Variants in SLCO4A1 observed in about 807,000 individuals in gnomAD.
SLCO4A1 encodes solute carrier organic anion transporter family member 4A1, also known as colon organic anion transporter.
Under a neutral mutation model 64.6 loss-of-function variants are expected in SLCO4A1, and 51 were observed. The ratio of observed to expected loss-of-function variants is 0.79; its 90% CI spans 0.63 to 1.00. SLCO4A1 has a LOEUF of 1.00. SLCO4A1 is among the 50% of genes least tolerant of loss of function. SLCO4A1 has a pLI of 0.00. For synonymous variants in SLCO4A1, 471 were observed against 444.9 expected (o/e 1.06, Z -0.74); for missense variants, 919 against 980.5 (o/e 0.94, Z 0.84).
In SLCO4A1 at chr20:62,658,553, A is replaced by T. The variant is rs916596648; in HGVS notation, c.797-124A>T. On this transcript the variant is annotated intron_variant, in intron 2 of 11. Coordinates refer to ENST00000217159, the MANE Select transcript of SLCO4A1 (RefSeq NM_016354.4). Reference sequence around the variant, plus strand: ...CTCATCTAACTTAAAGAGGCCCATGAGGGGAGTGGGCCGGAGATGCAGAAT... The same window carrying T: ...CTCATCTAACTTAAAGAGGCCCATGTGGGGAGTGGGCCGGAGATGCAGAAT... 27 of 703,894 alleles carry T rather than the reference A, an allele frequency of 3.8e-5. No homozygotes were observed. In the African/African-American group the frequency reaches 4.6e-4, roughly 12 times the overall value. 43.6% of individuals were successfully genotyped at this position (703,894 alleles called of 1,614,324 possible).
chr20:62,673,126 G>A (rs1014705449), downstream of SLCO4A1, among the ~76,000 whole-genome samples: 2 of 142,838 alleles, frequency 1.4e-5, 1 homozygote, highest in Non-Finnish European at 3.2e-5. Context: ...ACGCTTGTGT[G>A]GAGCTCACTG....
downstream of SLCO4A1, among the ~76,000 whole-genome samples, chr20:62,689,378 T>G (rs34755948): frequency 2.6e-5 from 4 of 151,350 alleles, no homozygotes; most frequent in Non-Finnish European, 5.9e-5. Flanking sequence ...CATCAGTCCT[T>G]CCTCCATCAC....
chr20:62,653,874 A>G (rs1397457270), intron 1 of SLCO4A1, among the ~76,000 whole-genome samples: 1 of 129,382 alleles, frequency 7.7e-6, no homozygotes, highest in Non-Finnish European at 1.6e-5. Context: ...GGAACATCAC[A>G]CCCCGGGGCC....
At chr20:62,648,599 A>C (rs1315669027) in intron 1 of SLCO4A1, among the ~76,000 whole-genome samples, 1 of 152,096 alleles carries the variant, frequency 6.6e-6, no homozygotes. Flanking sequence ...AGAGGACCCT[A>C]CTCCATGGAG....
chr20:62,648,462 C>T lies in SLCO4A1; in HGVS notation c.-97+5909C>T, dbSNP rs150348750. Among the ~76,000 whole-genome samples the T allele has an allele frequency of 7.9e-5, 12 of 152,302 alleles. No homozygotes were observed. In the East Asian group the frequency reaches 2.3e-3, roughly 29 times the overall value. On this transcript the variant is annotated intron_variant, in intron 1 of 11. Coordinates refer to ENST00000217159, the MANE Select transcript of SLCO4A1 (RefSeq NM_016354.4). Reference sequence around the variant, plus strand: ...CCAGTCAGGGCTCCGGGCCTGGGCACATGGGCAGGCTCTGCTTCCAGGGGC... The same window carrying T: ...CCAGTCAGGGCTCCGGGCCTGGGCATATGGGCAGGCTCTGCTTCCAGGGGC...
In SLCO4A1 at chr20:62,685,162, G is replaced by A. The variant is rs974070677; in HGVS notation, n.212-279G>A. The stretch of plus-strand genomic sequence containing the variant: ...GAGCAGGGCACTCAGCTGCCGAGGA[G>A]GGGGGTGGTGGGGAGGCACGGGCAG... On this transcript the variant is annotated intron_variant and non_coding_transcript_variant, in intron 2 of 2. Transcript: ENST00000466818. The surrounding 1 kb of genome is among the most constrained non-coding windows in gnomAD (Gnocchi z 4.6). 1.3e-5 allele frequency among the ~76,000 whole-genome samples: 2 copies of A among 151,776 alleles called. No homozygotes were observed.
downstream of SLCO4A1, among the ~76,000 whole-genome samples, chr20:62,673,600 C>T (rs994667175): frequency 2.8e-5 from 4 of 143,232 alleles, 1 homozygote; most frequent in South Asian, 2.2e-4. Flanking sequence ...TAAGAGACCA[C>T]GACACTGCCC....
chr20:62,680,792 G>C (rs1310350367), intron 2 of SLCO4A1, among the ~76,000 whole-genome samples: 2 of 152,128 alleles, frequency 1.3e-5, no homozygotes, highest in Non-Finnish European at 2.9e-5. Context: ...AAGGGTTTTT[G>C]TGTCTACGTT....
In SLCO4A1 at chr20:62,653,170, A is replaced by T. The variant is rs1051011483; in HGVS notation, c.-96-3189A>T. Among the ~76,000 whole-genome samples the T allele has an allele frequency of 8.5e-5, 13 of 152,240 alleles. No homozygotes were observed. The East Asian group carries it at 2.5e-3, about 29-fold the overall frequency. ...GTCCCAAGGAGCCTGGGGCTGAGGCATCCATTCGCTGAGAGGGCGAGACCT... is the reference window on the plus strand; with the variant it reads ...GTCCCAAGGAGCCTGGGGCTGAGGCTTCCATTCGCTGAGAGGGCGAGACCT... On this transcript the variant is annotated intron_variant, in intron 1 of 11. Transcript: ENST00000217159.
chr20:62,673,871 G>C (rs1029552596), downstream of SLCO4A1, among the ~76,000 whole-genome samples: 10 of 152,234 alleles, frequency 6.6e-5, no homozygotes, highest in Non-Finnish European at 1.3e-4. Flanking sequence ...AACGTGTGCT[G>C]CGAAAAGTCA....
chr20:62,687,539 G>C (rs2147120301), downstream of SLCO4A1, among the ~76,000 whole-genome samples: 1 of 152,374 alleles, frequency 6.6e-6, no homozygotes, highest in Admixed American at 6.5e-5. Flanking sequence ...AGCCCGGCAA[G>C]GGCCACGCCA....
At chr20:62,681,499 C>T (rs1322093902) in intron 2 of SLCO4A1, among the ~76,000 whole-genome samples, 1 of 132,032 alleles carries the variant, frequency 7.6e-6, no homozygotes, top group Non-Finnish European at 1.6e-5. Flanking sequence ...TGTACACACT[C>T]ATGTGTGCGC....
chr20:62,671,275 A>G (rs2147107484), intron 11 of SLCO4A1, among the ~76,000 whole-genome samples: 1 of 152,318 alleles, frequency 6.6e-6, no homozygotes, highest in East Asian at 1.9e-4. Flanking sequence ...AGGTGGGGGC[A>G]GGGCGGGCTC....
At chr20:62,672,375 G>A (rs1675597923), downstream of SLCO4A1, 1 of 790,518 alleles carries the variant, frequency 1.3e-6, no homozygotes, top group Non-Finnish European at 1.5e-6. Flanking sequence ...CCTGTAGTCA[G>A]CCCTGTGGAA....
At chr20:62,664,351 G>T (rs767450533) in intron 5 of SLCO4A1, among the ~76,000 whole-genome samples, 40 of 152,172 alleles carry the variant, frequency 2.6e-4, no homozygotes, top group Non-Finnish European at 4.9e-4. Context: ...AATCCCAGTG[G>T]CTTCCTGCCC....
downstream of SLCO4A1, among the ~76,000 whole-genome samples, chr20:62,673,439 C>T (rs1389113241): frequency 2.1e-5 from 3 of 143,570 alleles, 1 homozygote; most frequent in Non-Finnish European, 4.8e-5. Context: ...CTCGGGCATG[C>T]TGGGCAGTGC....
Position 62,661,041 on chromosome 20 carries a change from C to CCCCCCCCCCCCCCCACACAA in SLCO4A1, c.1010-23_1010-22insCCCCCCCCCCCCCCACACAA. ...TCCGGGAGCCCCCAGCCCCCAGCCC[C>CCCCCCCCCCCCCCCACACAA]AGCTCACTCTGTGCCCTTCCAGGCT... is the stretch of plus-strand genomic sequence containing the variant. On this transcript the variant is annotated intron_variant, in intron 4 of 11. Coordinates refer to ENST00000217159, the MANE Select transcript of SLCO4A1 (RefSeq NM_016354.4). The surrounding 1 kb of genome is among the most constrained non-coding windows in gnomAD (Gnocchi z 5.2). The CCCCCCCCCCCCCCCACACAA allele has an allele frequency of 1.4e-6, 2 of 1,424,136 alleles. No individual in the cohort carries two copies. Among genetic ancestry groups the CCCCCCCCCCCCCCCACACAA allele is most frequent in the Non-Finnish European group, 2.0e-6 (2 of 1,010,134 alleles). The allele number at this position is 1,424,136 out of a possible 1,614,324, so 88.2% of individuals were successfully genotyped here. A position where few individuals can be genotyped will look rare whatever the true frequency, so the allele number is the denominator to read the frequency against.
chr20:62,655,986 C>T (rs1429836767), intron 1 of SLCO4A1, among the ~76,000 whole-genome samples: 1 of 152,218 alleles, frequency 6.6e-6, no homozygotes, highest in Non-Finnish European at 1.5e-5. Context: ...CAGTGTCTGA[C>T]TCGGCCTCTG....
downstream of SLCO4A1, chr20:62,672,303 A>G (rs939548808): frequency 1.5e-5 from 16 of 1,086,360 alleles, no homozygotes; most frequent in African/African-American, 2.3e-4. Context: ...GCGTCCCCGT[A>G]CCGCGTGCTT....
Sources: allele counts gnomAD v4.1 joint callset (sites outside exome capture counted in the v4.1 genomes callset), GRCh38; gene constraint gnomAD v4.1.1; non-coding constraint Gnocchi (gnomAD v3.1); transcripts MANE v1.5; gene names NCBI Gene and HGNC (gene_info 2026-07-23, HGNC 2026-07-21).